ZNF350: variants seen among roughly 807,000 people sequenced by gnomAD.
The protein encoded by ZNF350 is zinc finger protein 350, also known as KRAB zinc finger protein ZFQR.
A neutral mutation model predicts 13.1 loss-of-function variants in ZNF350; 5 were observed. The observed-to-expected ratio is 0.38, with a 90% CI of 0.20 to 0.80. The LOEUF (loss-of-function observed/expected upper bound fraction) is 0.80, where lower values mean the gene tolerates loss of function less well. Ranked by LOEUF, ZNF350 falls within the 30% of genes least tolerant of loss-of-function variation. The pLI is 0.43. For synonymous variants in ZNF350, 199 were observed against 224.2 expected (o/e 0.89, Z 1.00); for missense variants, 534 against 644.2 (o/e 0.83, Z 1.85).
chr19:51,970,659 CAAG>C (rs1035311471), intron 2 of ZNF350, among the ~76,000 whole-genome samples: 22 of 152,114 alleles, frequency 1.4e-4, no homozygotes, highest in East Asian at 7.7e-4. Context: ...GATAATTTCT[CAAG>C]AAGAAGGAGA....
chr19:51,964,472 G>C lies in ZNF350; in HGVS notation c.*382C>G, dbSNP rs189252498. The C allele has an allele frequency of 2.7e-4, 57 of 209,462 alleles. No homozygotes were observed. In the East Asian group the frequency reaches 6.3e-3, roughly 23 times the overall value. 13.0% of individuals were successfully genotyped at this position (209,462 alleles called of 1,614,324 possible). ...ACACTGGCACTGGTCTAAGGAAACT[G>C]AATTGACACATATGTGTCCCACATT... On this transcript the variant is annotated 3_prime_UTR_variant, in exon 5 of 5. Coordinates refer to ENST00000243644, the MANE Select transcript of ZNF350 (RefSeq NM_021632.4).
intron 4 of ZNF350, among the ~76,000 whole-genome samples, chr19:51,966,717 G>A (rs559030554): frequency 6.7e-5 from 10 of 149,390 alleles, no homozygotes; most frequent in African/African-American, 2.0e-4. Flanking sequence ...ACATGATCCC[G>A]GCTCACTGCA....
chr19:51,971,411 G>A (rs569419343), intron 2 of ZNF350, among the ~76,000 whole-genome samples: 65 of 152,306 alleles, frequency 4.3e-4, no homozygotes, highest in African/African-American at 1.5e-3. Flanking sequence ...ACACCTTTAT[G>A]TAGTTCCCAC....
chr19:51,968,467 A>G, intron 4 of ZNF350, 111 bp downstream of exon 4: 1 of 917,114 alleles, frequency 1.1e-6, no homozygotes, highest in Admixed American at 1.8e-5. Context: ...TGGGAGACAG[A>G]TGAGTAGAGG....
chr19:51,983,615 G>A (rs2086104813), intron 1 of ZNF350, among the ~76,000 whole-genome samples: 1 of 152,032 alleles, frequency 6.6e-6, no homozygotes, highest in African/African-American at 2.4e-5. Context: ...ACATAAATCT[G>A]GCCTACGTAC....
chr19:51,985,164 G>T (rs1164845196), intron 1 of ZNF350, among the ~76,000 whole-genome samples: 1 of 152,078 alleles, frequency 6.6e-6, no homozygotes, highest in African/African-American at 2.4e-5. Context: ...ATATATAAAT[G>T]TAGAAAAATT....
chr19:51,972,579 G>A (rs1374367164), intron 2 of ZNF350, among the ~76,000 whole-genome samples: 1 of 151,988 alleles, frequency 6.6e-6, no homozygotes, highest in Non-Finnish European at 1.5e-5. Flanking sequence ...CCAATGAAGA[G>A]TCCCTTCAAG....
At chr19:51,973,959 C>A in intron 2 of ZNF350, 1 of 172,756 alleles carries the variant, frequency 5.8e-6, no homozygotes. Flanking sequence ...AAGAAATTTC[C>A]TGAGACCAAA....
At chr19:51,986,146 G>A (rs984779339) in intron 1 of ZNF350, among the ~76,000 whole-genome samples, 2 of 152,078 alleles carry the variant, frequency 1.3e-5, no homozygotes, top group African/African-American at 4.8e-5. Context: ...ATAATCGGAG[G>A]GTATGACTGA....
rs533461809 is a variant in ZNF350 at position 51,976,583 on chromosome 19, C to G, written c.-171-2052G>C. On this transcript the variant is annotated intron_variant, in intron 1 of 4. Transcript: ENST00000243644. The surrounding 1 kb of genome is among the most constrained non-coding windows in gnomAD (Gnocchi z 4.5). ...CGGCAGCAGATATAAGGTCAGTGCC[C>G]TAAAGAGGTACTGGGAGCAGTGCTT... The G allele has an allele frequency of 6.6e-6, 1 of 152,392 alleles. No homozygotes were observed. Among genetic ancestry groups the G allele is most frequent in the East Asian group, 1.9e-4 (1 of 5,176 alleles). The allele number at this position is 152,392 out of a possible 1,614,324, so 9.4% of individuals were successfully genotyped here.
At position 51,965,745 on chromosome 19, in the gene ZNF350, A is replaced by G. The variant is rs4988334; in HGVS notation, c.708T>C (p.Cys236=). ...VMHTGEKPHR[C]SLCEKAFSRK... is the part of the protein sequence containing the mutation. Reference sequence around the variant, plus strand: ...TGGAGAAGGCTTTCTCACATAGACTACATCTGTGGGGTTTCTCTCCTGTAT... The same window carrying G: ...TGGAGAAGGCTTTCTCACATAGACTGCATCTGTGGGGTTTCTCTCCTGTAT... Residue 236 remains cysteine, a synonymous_variant, in exon 5 of 5, where the codon TGT becomes TGC. Coordinates refer to ENST00000243644, the MANE Select transcript of ZNF350 (RefSeq NM_021632.4). 0.16 allele frequency: 251,647 copies of G among 1,613,812 alleles called. 21,441 individuals are homozygous for G. Among genetic ancestry groups the G allele is most frequent in the African/African-American group, 0.3 (22,508 of 74,894 alleles).
chr19:51,981,262 C>CCCG (rs1555766686), intron 1 of ZNF350: 6 of 148,748 alleles, frequency 4.0e-5, no homozygotes, highest in Admixed American at 1.3e-4. Flanking sequence ...CTTCCACCCC[C>CCCG]CCACCCTCCT....
At chr19:51,972,329 G>A (rs1309127383) in intron 2 of ZNF350, among the ~76,000 whole-genome samples, 1 of 145,968 alleles carries the variant, frequency 6.9e-6, no homozygotes, top group African/African-American at 2.5e-5. Context: ...AAAAAAAGCA[G>A]AAAAGTAAAA....
intron 1 of ZNF350, among the ~76,000 whole-genome samples, chr19:51,982,460 G>C (rs2086066814): frequency 6.6e-6 from 1 of 152,034 alleles, no homozygotes; most frequent in South Asian, 2.1e-4. Context: ...TCCTCTTTTA[G>C]GCTGACATAA....
In ZNF350 at chr19:51,964,716, C is replaced by A; in HGVS notation, c.*138G>T. On this transcript the variant is annotated 3_prime_UTR_variant, in exon 5 of 5. Coordinates refer to ENST00000243644, the MANE Select transcript of ZNF350 (RefSeq NM_021632.4). ...GTTAACATCAAATTTGCCTGTGTAT[C>A]ACAGCATACATTTTAATAGGATGAG... The A allele has an allele frequency of 9.7e-7, 1 of 1,032,742 alleles. No individual in the cohort carries two copies. Among genetic ancestry groups the A allele is most frequent in the Non-Finnish European group, 1.4e-6 (1 of 726,284 alleles). The allele number at this position is 1,032,742 out of a possible 1,614,324, so 64.0% of individuals were successfully genotyped here. A position where few individuals can be genotyped will look rare whatever the true frequency, so the allele number is the denominator to read the frequency against.
intron 1 of ZNF350, chr19:51,981,270 C>G (rs1335248993): frequency 6.6e-6 from 1 of 151,414 alleles, no homozygotes; most frequent in Non-Finnish European, 1.5e-5. Flanking sequence ...CCCCCACCCT[C>G]CTATCTCTTT....
At position 51,964,770 on chromosome 19, in the gene ZNF350, G is replaced by A; in HGVS notation, c.*84C>T. The A allele has an allele frequency of 6.9e-7, 1 of 1,453,040 alleles. No homozygotes were observed. The highest frequency in any genetic ancestry group is 1.3e-5 in the South Asian group (1 of 74,456). The allele number at this position is 1,453,040 out of a possible 1,614,324, so 90.0% of individuals were successfully genotyped here. A position where few individuals can be genotyped will look rare whatever the true frequency, so the allele number is the denominator to read the frequency against. ...ATCAGGCTATCTCAGCCTTATACATGTTCTCTCAGTGTATGCTTTTCGGCC... is the reference window on the plus strand; with the variant it reads ...ATCAGGCTATCTCAGCCTTATACATATTCTCTCAGTGTATGCTTTTCGGCC... On this transcript the variant is annotated 3_prime_UTR_variant, in exon 5 of 5. Coordinates refer to ENST00000243644, the MANE Select transcript of ZNF350 (RefSeq NM_021632.4).
chr19:51,977,182 A>G (rs1187319180), intron 1 of ZNF350, among the ~76,000 whole-genome samples: 1 of 152,188 alleles, frequency 6.6e-6, no homozygotes, highest in African/African-American at 2.4e-5. Flanking sequence ...TATTTCCATC[A>G]GGCCTGATCC....
At chr19:51,971,953 C>T (rs2085750652) in intron 2 of ZNF350, among the ~76,000 whole-genome samples, 1 of 152,100 alleles carries the variant, frequency 6.6e-6, no homozygotes, top group Non-Finnish European at 1.5e-5. Flanking sequence ...TGGAATCTCA[C>T]CTCCTTAATT....
Sources: gnomAD v4.1 joint callset for allele counts (sites outside exome capture counted in the v4.1 genomes callset) on GRCh38, gnomAD v4.1.1 for gene constraint, Gnocchi (gnomAD v3.1) non-coding constraint, MANE v1.5 for transcripts, NCBI Gene and HGNC (gene_info 2026-07-23, HGNC 2026-07-21) for gene names.